PCSK5: variants seen among roughly 807,000 people sequenced by gnomAD.
PCSK5 encodes prohormone convertase 5.
A neutral mutation model predicts 233.2 loss-of-function variants in PCSK5; 129 were observed. The observed-to-expected ratio is 0.55, with a 90% CI of 0.48 to 0.64. PCSK5 has a LOEUF of 0.64. Ranked by LOEUF, PCSK5 falls within the 30% of genes least tolerant of loss-of-function variation. The pLI is 0.00. For missense variants in PCSK5, 2,076 were observed against 2,430.1 expected, an observed-to-expected ratio of 0.85 and a Z score of 3.06; for synonymous variants, 825 against 879.2, an observed-to-expected ratio of 0.94 and a Z score of 1.09.
chr9:76,271,879 C>G (rs1827524236), intron 24 of PCSK5, among the ~76,000 whole-genome samples: 2 of 152,126 alleles, frequency 1.3e-5, no homozygotes, highest in Non-Finnish European at 2.9e-5. Context: ...TAACTCTCAT[C>G]TCTGCCACAT....
intron 20 of PCSK5, among the ~76,000 whole-genome samples, chr9:76,225,116 G>A (rs976456076): frequency 1.3e-5 from 2 of 152,208 alleles, no homozygotes; most frequent in African/African-American, 4.8e-5. Context: ...GCAGAGTCCT[G>A]TGTACACCCT....
intron 7 of PCSK5, among the ~76,000 whole-genome samples, chr9:76,084,584 C>T (rs1432260895): frequency 6.6e-6 from 1 of 152,128 alleles, no homozygotes; most frequent in African/African-American, 2.4e-5. Context: ...TAAGTGAACT[C>T]CTCCTCACAA....
At chr9:76,086,762 G>A (rs1195709712) in intron 7 of PCSK5, among the ~76,000 whole-genome samples, 2 of 152,192 alleles carry the variant, frequency 1.3e-5, no homozygotes, top group Admixed American at 1.3e-4. Flanking sequence ...TCTGGTCCCA[G>A]CCTAGCCTCT....
At chr9:76,045,132 T>G (rs1395876009) in intron 5 of PCSK5, among the ~76,000 whole-genome samples, 1 of 152,224 alleles carries the variant, frequency 6.6e-6, no homozygotes, top group Admixed American at 6.5e-5. Flanking sequence ...ATGTAAGTTA[T>G]TTATTGGATT....
At chr9:76,237,276 C>T (rs897004284) in intron 22 of PCSK5, among the ~76,000 whole-genome samples, 6 of 152,156 alleles carry the variant, frequency 3.9e-5, no homozygotes, top group African/African-American at 1.4e-4. Flanking sequence ...CACATTAGTC[C>T]TTCCAAACCC....
intron 9 of PCSK5, among the ~76,000 whole-genome samples, chr9:76,107,614 G>A (rs1251363760): frequency 1.3e-5 from 2 of 152,142 alleles, no homozygotes; most frequent in East Asian, 3.8e-4. Flanking sequence ...ATGCCAGTTG[G>A]CTCCAACTCT....
intron 10 of PCSK5, among the ~76,000 whole-genome samples, chr9:76,137,898 T>TG (rs1823047040): frequency 6.6e-6 from 1 of 152,094 alleles, no homozygotes; most frequent in African/African-American, 2.4e-5. Flanking sequence ...CTTGATCCCT[T>TG]CCCTTTCTGC....
At chr9:76,219,109 C>A (rs956676781) in intron 20 of PCSK5, among the ~76,000 whole-genome samples, 1 of 152,120 alleles carries the variant, frequency 6.6e-6, no homozygotes, top group Non-Finnish European at 1.5e-5. Context: ...CAGCTAGAGC[C>A]CCAGGCCTTG....
intron 9 of PCSK5, among the ~76,000 whole-genome samples, chr9:76,121,087 T>A (rs576523037): frequency 1.3e-5 from 2 of 152,254 alleles, no homozygotes; most frequent in African/African-American, 4.8e-5. Context: ...ACTTAGATCC[T>A]GATTTTCTAT....
chr9:75,936,921 C>T (rs1296449061), intron 2 of PCSK5, among the ~76,000 whole-genome samples: 1 of 152,068 alleles, frequency 6.6e-6, no homozygotes, highest in African/African-American at 2.4e-5. Flanking sequence ...AGACATTACT[C>T]CTTAATCCAT....
At chr9:76,081,564 G>A (rs1830840036) in intron 7 of PCSK5, among the ~76,000 whole-genome samples, 1 of 152,060 alleles carries the variant, frequency 6.6e-6, no homozygotes, top group Non-Finnish European at 1.5e-5. Flanking sequence ...ATTTAACCAC[G>A]GTTCTCAACT....
chr9:76,009,966 G>A (rs1389224765), intron 3 of PCSK5, among the ~76,000 whole-genome samples: 1 of 152,114 alleles, frequency 6.6e-6, no homozygotes, highest in South Asian at 2.1e-4. Context: ...ATGCATGTGC[G>A]CTGCACCAGG....
At chr9:76,277,539 A>G (rs192962107) in intron 24 of PCSK5, among the ~76,000 whole-genome samples, 40 of 152,238 alleles carry the variant, frequency 2.6e-4, no homozygotes, top group Admixed American at 3.9e-4. Flanking sequence ...TACTTATTCC[A>G]GTCTCTTCTA....
intron 14 of PCSK5, among the ~76,000 whole-genome samples, chr9:76,176,239 A>G (rs1192749191): frequency 6.6e-6 from 1 of 152,248 alleles, no homozygotes; most frequent in Non-Finnish European, 1.5e-5. Flanking sequence ...CAAACAGACT[A>G]ACATCATTGG....
At chr9:76,246,578 T>G (rs1471580414) in intron 24 of PCSK5, among the ~76,000 whole-genome samples, 1 of 152,068 alleles carries the variant, frequency 6.6e-6, no homozygotes, top group Non-Finnish European at 1.5e-5. Flanking sequence ...CTTCTAGGAA[T>G]TTACCCTGGT....
At chr9:76,021,808 A>C (rs1362634175) in intron 3 of PCSK5, among the ~76,000 whole-genome samples, 2 of 152,170 alleles carry the variant, frequency 1.3e-5, no homozygotes, top group East Asian at 3.9e-4. Context: ...CTTAGGATGT[A>C]GTTGGAATAA....
At chr9:76,173,495 CCTTTTTTTTTTTTTTTTTTTTTTT>C (rs1823419510) in intron 13 of PCSK5, among the ~76,000 whole-genome samples, 1 of 34,582 alleles carries the variant, frequency 2.9e-5, no homozygotes, top group East Asian at 8.8e-4. Context: ...AGGCACGTTT[CCTTTTTTTTTTTTTTTTTTTTTTT>C]TTTTTTTTTT....
At chr9:76,245,308 T>G (rs1826555633) in intron 24 of PCSK5, among the ~76,000 whole-genome samples, 1 of 152,150 alleles carries the variant, frequency 6.6e-6, no homozygotes, top group Admixed American at 6.5e-5. Flanking sequence ...TCTCCACTCT[T>G]GGGATAAAAC....
chr9:76,183,288 T>A (rs537224099), intron 16 of PCSK5, among the ~76,000 whole-genome samples: 64 of 152,302 alleles, frequency 4.2e-4, no homozygotes, highest in Non-Finnish European at 7.8e-4. Context: ...CCAGGAAGTG[T>A]TGATCCAAGT....
Sources: gnomAD v4.1 joint callset for allele counts (sites outside exome capture counted in the v4.1 genomes callset) on GRCh38, gnomAD v4.1.1 for gene constraint, MANE v1.5 for transcripts, NCBI Gene and HGNC (gene_info 2026-07-23, HGNC 2026-07-21) for gene names.